CCDC178: variants seen among roughly 807,000 people sequenced by gnomAD.
CCDC178 encodes the protein coiled-coil domain containing 178, also known as coiled-coil domain-containing protein 178.
Under a neutral mutation model 117.4 loss-of-function variants are expected in CCDC178, and 126 were observed. That is an observed-to-expected ratio of 1.07 (90% CI 0.93 to 1.24). The LOEUF (loss-of-function observed/expected upper bound fraction) is 1.24. Ranked by LOEUF, CCDC178 falls within the 50% of genes most tolerant of loss-of-function variation. The pLI is 0.00. For missense variants in CCDC178, 1,030 were observed against 986.9 expected, an observed-to-expected ratio of 1.04 and a Z score of -0.59; for synonymous variants, 283 against 313.4, an observed-to-expected ratio of 0.90 and a Z score of 1.02.
chr18:33,179,078 A>AAAAAAATATATATAT (rs71159804), intron 20 of CCDC178, among the ~76,000 whole-genome samples: 1 of 55,852 alleles, frequency 1.8e-5, no homozygotes, highest in African/African-American at 1.1e-4. Flanking sequence ...AAAAAAAAAA[A>AAAAAAATATATATAT]ATATATATAT....
chr18:33,138,944 G>A (rs528444521), intron 20 of CCDC178, among the ~76,000 whole-genome samples: 2 of 152,262 alleles, frequency 1.3e-5, no homozygotes, highest in East Asian at 3.9e-4. Flanking sequence ...CAGTGATATG[G>A]TTTGGCTGTG....
At chr18:33,200,312 G>A (rs1186070060) in intron 20 of CCDC178, among the ~76,000 whole-genome samples, 1 of 152,142 alleles carries the variant, frequency 6.6e-6, no homozygotes, top group Non-Finnish European at 1.5e-5. Context: ...ACAACTCTAA[G>A]TGCTGACAAG....
chr18:32,970,892 G>A (rs1470858459), intron 22 of CCDC178, among the ~76,000 whole-genome samples: 2 of 151,952 alleles, frequency 1.3e-5, no homozygotes, highest in Non-Finnish European at 2.9e-5. Context: ...GTACAAGTAA[G>A]GTAGAATTTA....
rs1332823615 is a variant in CCDC178, at chr18:33,356,328, C to G, written c.367G>C (p.Glu123Gln). Residue 123 changes from glutamate (E) to glutamine (Q), a missense_variant, in exon 7 of 23, where the codon GAA becomes CAA. Coordinates refer to ENST00000383096, the MANE Select transcript of CCDC178 (RefSeq NM_001105528.4). ...HLKRFETSFEEWSRTSSTKDL... is the reference protein window; with the variant it reads ...HLKRFETSFEQWSRTSSTKDL... ...AAAAGCATGAAATTTTCTTACCATT[C>G]TTCAAAAGAAGTTTCAAACTGTCAA... The G allele has an allele frequency of 2.7e-6, 4 of 1,480,688 alleles. No individual in the cohort carries two copies. Among genetic ancestry groups the G allele is most frequent in the Non-Finnish European group, 3.6e-6 (4 of 1,096,482 alleles). The allele number at this position is 1,480,688 out of a possible 1,614,324, so 91.7% of individuals were successfully genotyped here.
intron 21 of CCDC178, among the ~76,000 whole-genome samples, chr18:32,990,146 G>C (rs1598761378): frequency 6.6e-6 from 1 of 152,140 alleles, no homozygotes; most frequent in East Asian, 1.9e-4. Context: ...AAATATGTAA[G>C]GAACCATGGC....
At chr18:33,361,464 A>T (rs929752302) in intron 6 of CCDC178, among the ~76,000 whole-genome samples, 1 of 151,740 alleles carries the variant, frequency 6.6e-6, no homozygotes, top group African/African-American at 2.4e-5. Flanking sequence ...AAAAATTCAG[A>T]CTTCAAAGAC....
chr18:33,082,704 C>T lies in CCDC178; in HGVS notation c.2388+10057G>A, dbSNP rs141572937. ...CAAACCTGCATGTTGTGCACATGTACCCTATAACTTAAAGTATAATAAAAA... is the reference window on the plus strand; with the variant it reads ...CAAACCTGCATGTTGTGCACATGTATCCTATAACTTAAAGTATAATAAAAA... On this transcript the variant is annotated intron_variant, in intron 21 of 22. Coordinates refer to ENST00000383096, the MANE Select transcript of CCDC178 (RefSeq NM_001105528.4). Among the ~76,000 whole-genome samples, 460 of 151,712 alleles carry T rather than the reference C, an allele frequency of 3.0e-3. 2 individuals carry two copies. Among genetic ancestry groups the T allele is most frequent in the African/African-American group, 0.011 (443 of 41,406 alleles).
intron 20 of CCDC178, among the ~76,000 whole-genome samples, chr18:33,118,015 C>T (rs112029471): frequency 6.6e-6 from 1 of 152,134 alleles, no homozygotes; most frequent in African/African-American, 2.4e-5. Context: ...GCAGAGTAAC[C>T]CCTGTCTGAC....
chr18:33,419,195 C>T (rs2063989406), intron 2 of CCDC178, among the ~76,000 whole-genome samples: 1 of 152,122 alleles, frequency 6.6e-6, no homozygotes, highest in Non-Finnish European at 1.5e-5. Flanking sequence ...GGAGAAAGGA[C>T]ACCCTCTTCA....
chr18:32,974,459 T>G, intron 22 of CCDC178, 88 bp downstream of exon 22: 1 of 1,229,540 alleles, frequency 8.1e-7, no homozygotes, highest in Non-Finnish European at 1.2e-6. Flanking sequence ...TCTGATGGGA[T>G]ATGGTTTTAA....
At chr18:33,247,581 T>C (rs1186305385) in intron 14 of CCDC178, among the ~76,000 whole-genome samples, 1 of 151,920 alleles carries the variant, frequency 6.6e-6, no homozygotes, top group South Asian at 2.1e-4. Context: ...GGGGTGTGTG[T>C]GCAAGCACAC....
rs79827741 is a variant in CCDC178 at position 33,258,979 on chromosome 18, C to T, written c.1409+7937G>A. Reference sequence around the variant, plus strand: ...CCTGAAAATATTGTATAGCACATAACGTACATCAACAATGTTTCAGAAACT... The same window carrying T: ...CCTGAAAATATTGTATAGCACATAATGTACATCAACAATGTTTCAGAAACT... On this transcript the variant is annotated intron_variant, in intron 14 of 22. Coordinates refer to ENST00000383096, the MANE Select transcript of CCDC178 (RefSeq NM_001105528.4). 2.5e-3 allele frequency among the ~76,000 whole-genome samples: 374 copies of T among 151,998 alleles called. 3 individuals are homozygous for T. The highest frequency in any genetic ancestry group is 8.7e-3 in the African/African-American group (362 of 41,442).
chr18:33,354,275 T>A (rs573571930), intron 7 of CCDC178, among the ~76,000 whole-genome samples: 1 of 151,722 alleles, frequency 6.6e-6, no homozygotes, highest in South Asian at 2.1e-4. Context: ...TCTGTTTGAC[T>A]TGATTCTATT....
At chr18:33,259,028 A>T (rs897069834) in intron 14 of CCDC178, among the ~76,000 whole-genome samples, 7 of 152,134 alleles carry the variant, frequency 4.6e-5, no homozygotes, top group Non-Finnish European at 1.0e-4. Flanking sequence ...AGGATCTAAA[A>T]ATGGGGGAAA....
At chr18:33,406,667 C>A (rs1015813621) in intron 3 of CCDC178, among the ~76,000 whole-genome samples, 2 of 151,870 alleles carry the variant, frequency 1.3e-5, no homozygotes, top group African/African-American at 4.8e-5. Context: ...TACTCTTAAC[C>A]AAAATATTTC....
At chr18:32,943,524 A>C (rs1198087079) in intron 22 of CCDC178, among the ~76,000 whole-genome samples, 1 of 152,140 alleles carries the variant, frequency 6.6e-6, no homozygotes, top group Non-Finnish European at 1.5e-5. Context: ...GTATACTATT[A>C]ATACTTCATT....
At chr18:33,010,336 C>T (rs980612680) in intron 21 of CCDC178, among the ~76,000 whole-genome samples, 8 of 152,072 alleles carry the variant, frequency 5.3e-5, no homozygotes, top group Non-Finnish European at 1.0e-4. Flanking sequence ...GATTCCCTGG[C>T]GGTCATGGAA....
chr18:33,018,635 G>A (rs866773567), intron 21 of CCDC178, among the ~76,000 whole-genome samples: 3 of 152,082 alleles, frequency 2.0e-5, no homozygotes, highest in Admixed American at 6.5e-5. Flanking sequence ...AGCCAGTGAC[G>A]AAAGGCTATA....
In CCDC178 at chr18:33,038,790, C is replaced by T. The variant is rs146421415; in HGVS notation, c.2388+53971G>A. On this transcript the variant is annotated intron_variant, in intron 21 of 22. Coordinates refer to ENST00000383096, the MANE Select transcript of CCDC178 (RefSeq NM_001105528.4). Reference sequence around the variant, plus strand: ...AATCTTAAGACAACTTAAATGTAGACGAAGTGACAATAGGACTCCCATTCA... The same window carrying T: ...AATCTTAAGACAACTTAAATGTAGATGAAGTGACAATAGGACTCCCATTCA... Among the ~76,000 whole-genome samples, 1,021 of 151,992 alleles carry T rather than the reference C, an allele frequency of 6.7e-3. 6 individuals are homozygous for T. The highest frequency in any genetic ancestry group is 0.037 in the Middle Eastern group (11 of 294).
Sources: gnomAD v4.1 joint callset for allele counts (sites outside exome capture counted in the v4.1 genomes callset) on GRCh38, gnomAD v4.1.1 for gene constraint, MANE v1.5 for transcripts, NCBI Gene and HGNC (gene_info 2026-07-23, HGNC 2026-07-21) for gene names.